The following CMC2 variants were observed in gnomAD, a reference collection of about 807,000 sequenced individuals.
CMC2 encodes the protein COX assembly mitochondrial protein 2 homolog.
CMC2 carries 5 observed loss-of-function variants against 7.5 expected under a neutral mutation model. That is an observed-to-expected ratio of 0.66 (90% CI 0.35 to 1.40). CMC2 has a LOEUF of 1.40. Among genes scored for constraint, CMC2 ranks in the 40% most tolerant of loss-of-function variants. The pLI, the probability that CMC2 is intolerant of heterozygous loss-of-function variation, is 0.04. For synonymous variants in CMC2, 37 were observed against 31.4 expected (o/e 1.18, Z -0.60); for missense variants, 115 against 92.3 (o/e 1.25, Z -1.01).
At chr16:81,000,353 G>T (rs12931852) in intron 1 of CMC2, among the ~76,000 whole-genome samples, 2 of 152,138 alleles carry the variant, frequency 1.3e-5, no homozygotes, top group African/African-American at 4.8e-5. Flanking sequence ...AAAATTAGCC[G>T]GGTGTGGTGG....
chr16:80,980,316 G>A (rs1967027088), intron 3 of CMC2, among the ~76,000 whole-genome samples: 1 of 103,304 alleles, frequency 9.7e-6, no homozygotes, highest in Non-Finnish European at 1.9e-5. Flanking sequence ...ACACTAATAA[G>A]GCTGGGAATG....
chr16:80,976,046 G>A lies in CMC2; in HGVS notation c.*47C>T. ...CAGGATTCTTTCAGGTATCAACCCA[G>A]AGTCTTTAGGTCTTCTCTCAGCCAA... On this transcript the variant is annotated 3_prime_UTR_variant, in exon 4 of 4. Transcript: ENST00000219400. 2 of 1,052,054 alleles carry A rather than the reference G, an allele frequency of 1.9e-6. No homozygotes were observed. Among genetic ancestry groups the A allele is most frequent in the Non-Finnish European group, 3.0e-6 (2 of 671,804 alleles). The allele number at this position is 1,052,054 out of a possible 1,614,324, so 65.2% of individuals were successfully genotyped here. A position where few individuals can be genotyped will look rare whatever the true frequency, so the allele number is the denominator to read the frequency against.
At chr16:80,990,990 G>A (rs922282810) in intron 2 of CMC2, among the ~76,000 whole-genome samples, 2 of 149,896 alleles carry the variant, frequency 1.3e-5, no homozygotes, top group Non-Finnish European at 2.9e-5. Flanking sequence ...GACTCCCAAA[G>A]TGCTGGGATT....
chr16:80,997,125 A>C, intron 2 of CMC2, 189 bp downstream of exon 2: 1 of 592,382 alleles, frequency 1.7e-6, no homozygotes. Context: ...GATTTTTACT[A>C]ATCATAAAAG....
intron 2 of CMC2, chr16:80,988,734 C>A: frequency 1.9e-6 from 1 of 526,200 alleles, no homozygotes; most frequent in African/African-American, 2.0e-5. Context: ...ATGCAAAAGG[C>A]AAAAAAAGTT....
chr16:80,988,633 C>A (rs1275999187), intron 2 of CMC2: 2 of 696,470 alleles, frequency 2.9e-6, no homozygotes, highest in African/African-American at 3.5e-5. Flanking sequence ...AGTCTCCATA[C>A]GATTACCAAA....
At chr16:80,981,741 A>G in intron 3 of CMC2, 65 bp downstream of exon 3, 1 of 1,056,020 alleles carries the variant, frequency 9.5e-7, no homozygotes, top group Non-Finnish European at 1.4e-6. Flanking sequence ...TGGCAGTAAT[A>G]CACAATATTC....
At chr16:80,984,428 C>T (rs890295735) in intron 2 of CMC2, among the ~76,000 whole-genome samples, 2 of 152,114 alleles carry the variant, frequency 1.3e-5, no homozygotes, top group African/African-American at 2.4e-5. Context: ...CCTGCTTCAC[C>T]ACCATTTTAA....
rs922185519 is a variant in CMC2, at chr16:80,972,517, T to A, written c.*3576A>T. 3.3e-4 allele frequency: 50 copies of A among 152,306 alleles called. No homozygotes were observed. Among genetic ancestry groups the A allele is most frequent in the African/African-American group, 1.1e-3 (47 of 41,562 alleles). The allele number at this position is 152,306 out of a possible 1,614,324, so 9.4% of individuals were successfully genotyped here. A position where few individuals can be genotyped will look rare whatever the true frequency, so the allele number is the denominator to read the frequency against. On this transcript the variant is annotated 3_prime_UTR_variant, in exon 4 of 4. Coordinates refer to ENST00000219400, the MANE Select transcript of CMC2 (RefSeq NM_020188.5). ...CATGGAGATTAATCTGATCTTAAAC[T>A]TCATTTATAAAAGGTGAGAAACAGC...
intron 1 of CMC2, among the ~76,000 whole-genome samples, chr16:81,005,629 C>A (rs2549876): frequency 0.97 from 147,360 of 152,110 alleles, 71,548 homozygotes; most frequent in Middle Eastern, 1. Flanking sequence ...AAGCGACTGG[C>A]GCTGGCACTG....
chr16:80,999,948 T>C (rs1968734240), intron 1 of CMC2, among the ~76,000 whole-genome samples: 1 of 152,166 alleles, frequency 6.6e-6, no homozygotes, highest in Non-Finnish European at 1.5e-5. Context: ...ATAAGAATCC[T>C]AGAAGAAAAC....
At chr16:80,992,252 CA>C (rs1968059137) in intron 2 of CMC2, among the ~76,000 whole-genome samples, 1 of 152,320 alleles carries the variant, frequency 6.6e-6, no homozygotes, top group East Asian at 1.9e-4. Flanking sequence ...ATAGGTCGTT[CA>C]ACTACTTTAC....
intron 2 of CMC2, chr16:80,988,425 G>C (rs1179047253): frequency 1.6e-6 from 1 of 639,304 alleles, no homozygotes; most frequent in South Asian, 1.8e-5. Context: ...GATGACAGCA[G>C]ATGTCTTTAA....
Position 80,967,793 on chromosome 16 carries a change from T to G in CMC2, c.*8300A>C, listed in dbSNP as rs1160142513. 6.6e-6 allele frequency: 1 copy of G among 152,252 alleles called. No homozygotes were observed. The highest frequency in any genetic ancestry group is 1.9e-4 in the East Asian group (1 of 5,204). 9.4% of individuals were successfully genotyped at this position (152,252 alleles called of 1,614,324 possible). ...TATGCAGAATTGCAGAATGCTTTACTTTCTTAGCCCTCTACTCGCCAGAGT... is the reference window on the plus strand; with the variant it reads ...TATGCAGAATTGCAGAATGCTTTACGTTCTTAGCCCTCTACTCGCCAGAGT... On this transcript the variant is annotated 3_prime_UTR_variant, in exon 4 of 4. Transcript: ENST00000219400.
rs969815895 is a variant in CMC2 at position 80,968,056 on chromosome 16, T to C, written c.*8037A>G. On this transcript the variant is annotated 3_prime_UTR_variant, in exon 4 of 4. Coordinates refer to ENST00000219400, the MANE Select transcript of CMC2 (RefSeq NM_020188.5). Reference sequence around the variant, plus strand: ...AGTAAGCTAGAAGTGATGACAAGAGTGGATGAAGGTCATTAACCCTAAAGA... The same window carrying C: ...AGTAAGCTAGAAGTGATGACAAGAGCGGATGAAGGTCATTAACCCTAAAGA... The C allele has an allele frequency of 6.6e-6, 1 of 151,892 alleles. No homozygotes were observed. The highest frequency in any genetic ancestry group is 2.4e-5 in the African/African-American group (1 of 41,358). 9.4% of individuals were successfully genotyped at this position (151,892 alleles called of 1,614,324 possible).
intron 2 of CMC2, 107 bp from the exon 3 acceptor site, chr16:80,981,984 T>C: frequency 1.6e-6 from 1 of 628,838 alleles, no homozygotes; most frequent in East Asian, 2.8e-5. Flanking sequence ...TGTCACTTTG[T>C]TAATAAACAA....
intron 3 of CMC2, among the ~76,000 whole-genome samples, chr16:80,979,605 ATTTT>A: frequency 6.6e-6 from 1 of 151,442 alleles, no homozygotes; most frequent in South Asian, 2.1e-4. Flanking sequence ...TATTTTATTT[ATTTT>A]TTATTTTATT....
intron 1 of CMC2, among the ~76,000 whole-genome samples, chr16:80,999,513 C>A (rs1168839282): frequency 6.6e-6 from 1 of 152,164 alleles, no homozygotes; most frequent in Non-Finnish European, 1.5e-5. Flanking sequence ...ATATTCAACA[C>A]TACTCCTATC....
Position 80,973,861 on chromosome 16 carries a change from GT to G in CMC2, c.*2231del, listed in dbSNP as rs1486066905. The G allele has an allele frequency of 6.6e-6, 1 of 152,154 alleles. No individual in the cohort carries two copies. 9.4% of individuals were successfully genotyped at this position (152,154 alleles called of 1,614,324 possible). A position where few individuals can be genotyped will look rare whatever the true frequency, so the allele number is the denominator to read the frequency against. ...GAGTAAGACCTAAAAACAGTAGGTG[GT>G]TTGAATATCCCATAAAAACGTACTC... On this transcript the variant is annotated 3_prime_UTR_variant, in exon 4 of 4. Coordinates refer to ENST00000219400, the MANE Select transcript of CMC2 (RefSeq NM_020188.5).
Sources: allele counts gnomAD v4.1 joint callset (sites outside exome capture counted in the v4.1 genomes callset), GRCh38; gene constraint gnomAD v4.1.1; transcripts MANE v1.5; gene names NCBI Gene and HGNC (gene_info 2026-07-23, HGNC 2026-07-21).